The following NRG3 variants were observed in gnomAD, a reference collection of about 807,000 sequenced individuals.
The protein encoded by NRG3 is neuregulin 3, also known as pro-neuregulin-3, membrane-bound isoform.
Under a neutral mutation model 66.9 loss-of-function variants are expected in NRG3, and 31 were observed. The ratio of observed to expected loss-of-function variants is 0.46; its 90% CI spans 0.35 to 0.63. NRG3 has a LOEUF of 0.63. Among genes scored for constraint, NRG3 ranks in the 20% least tolerant of loss-of-function variants. The pLI is 0.00. For synonymous variants in NRG3, 393 were observed against 359.4 expected (o/e 1.09, Z -1.06); for missense variants, 910 against 878.9 (o/e 1.04, Z -0.45).
chr10:82,658,187 A>G (rs1289814040), intron 2 of NRG3, among the ~76,000 whole-genome samples: 2 of 152,210 alleles, frequency 1.3e-5, no homozygotes, highest in Non-Finnish European at 2.9e-5. Context: ...CTTTATATAG[A>G]AAAGTATATT....
intron 4 of NRG3, among the ~76,000 whole-genome samples, chr10:82,929,432 C>T (rs868826997): frequency 3.3e-5 from 5 of 152,128 alleles, no homozygotes; most frequent in Admixed American, 6.6e-5. Flanking sequence ...TTTATCTTTC[C>T]GAGCAGAGGA....
intron 1 of NRG3, among the ~76,000 whole-genome samples, chr10:82,004,075 A>G (rs768126478): frequency 9.2e-5 from 14 of 151,792 alleles, no homozygotes; most frequent in Non-Finnish European, 1.9e-4. Flanking sequence ...CAGTTTGTGA[A>G]CCATAAGTGG....
chr10:82,528,944 A>G (rs1442143725), intron 2 of NRG3, among the ~76,000 whole-genome samples: 1 of 152,140 alleles, frequency 6.6e-6, no homozygotes, highest in African/African-American at 2.4e-5. Flanking sequence ...TGTCTAGTTT[A>G]GCACTTGTTC....
intron 4 of NRG3, among the ~76,000 whole-genome samples, chr10:82,892,022 A>G (rs1843196962): frequency 6.6e-6 from 1 of 152,140 alleles, no homozygotes; most frequent in South Asian, 2.1e-4. Flanking sequence ...CATATGATTT[A>G]TCCTTTAGTT....
intron 1 of NRG3, among the ~76,000 whole-genome samples, chr10:81,979,583 A>G (rs1051091753): frequency 1.3e-5 from 2 of 152,152 alleles, no homozygotes; most frequent in East Asian, 3.8e-4. Flanking sequence ...ATTTTCAGCA[A>G]TGTCAAATGT....
chr10:82,652,768 C>G (rs199858642), intron 2 of NRG3, among the ~76,000 whole-genome samples: 2 of 152,220 alleles, frequency 1.3e-5, no homozygotes, highest in East Asian at 3.9e-4. Flanking sequence ...TAGAATTTCT[C>G]TTCCTCCTGT....
intron 3 of NRG3, among the ~76,000 whole-genome samples, chr10:82,790,935 T>C (rs577127492): frequency 4.1e-4 from 62 of 151,756 alleles, no homozygotes; most frequent in Admixed American, 1.3e-3. Context: ...TTAAAAATAA[T>C]TTCTATATAA....
At chr10:82,423,785 C>G (rs941133995) in intron 2 of NRG3, among the ~76,000 whole-genome samples, 24 of 152,006 alleles carry the variant, frequency 1.6e-4, no homozygotes, top group Non-Finnish European at 1.3e-4. Context: ...AAAGAAACCT[C>G]ATACCATTAG....
chr10:82,500,540 G>A (rs1844074172), intron 2 of NRG3, among the ~76,000 whole-genome samples: 1 of 152,154 alleles, frequency 6.6e-6, no homozygotes, highest in Admixed American at 6.5e-5. Context: ...CCGCTGCAGT[G>A]CATTGTTCAT....
intron 2 of NRG3, among the ~76,000 whole-genome samples, chr10:82,423,028 A>G (rs1005884694): frequency 1.1e-4 from 17 of 151,980 alleles, no homozygotes; most frequent in African/African-American, 4.1e-4. Flanking sequence ...GTGACTTTTG[A>G]TTATTGAATT....
At chr10:81,919,306 A>G (rs1846025739) in intron 1 of NRG3, among the ~76,000 whole-genome samples, 1 of 152,188 alleles carries the variant, frequency 6.6e-6, no homozygotes, top group Admixed American at 6.5e-5. Context: ...TGAAAATCAG[A>G]TGGACATTGC....
intron 1 of NRG3, among the ~76,000 whole-genome samples, chr10:82,149,198 A>T (rs11192701): frequency 0.12 from 17,956 of 152,088 alleles, 1,779 homozygotes; most frequent in African/African-American, 0.26. Context: ...ATGCAGCTTG[A>T]ACCTGAAAGT....
intron 4 of NRG3, among the ~76,000 whole-genome samples, chr10:82,943,537 T>G (rs1848747809): frequency 6.6e-6 from 1 of 152,192 alleles, no homozygotes; most frequent in Admixed American, 6.5e-5. Context: ...ACCTGGAATT[T>G]TTGTCCAAGA....
At chr10:82,132,718 T>C (rs1013631217) in intron 1 of NRG3, among the ~76,000 whole-genome samples, 1 of 151,116 alleles carries the variant, frequency 6.6e-6, no homozygotes, top group Non-Finnish European at 1.5e-5. Context: ...CTTTCTTTGC[T>C]GCGATACTTT....
At chr10:82,656,936 C>T (rs1031389445) in intron 2 of NRG3, among the ~76,000 whole-genome samples, 24 of 152,264 alleles carry the variant, frequency 1.6e-4, no homozygotes, top group African/African-American at 2.4e-4. Flanking sequence ...TCTTCTCTCT[C>T]GTCTCTGGCT....
At chr10:82,318,437 A>G (rs1449801750) in intron 1 of NRG3, among the ~76,000 whole-genome samples, 1 of 152,132 alleles carries the variant, frequency 6.6e-6, no homozygotes, top group Non-Finnish European at 1.5e-5. Flanking sequence ...ACCGTGTTTC[A>G]CTCCTCTATG....
At chr10:82,892,241 T>C (rs528364150) in intron 4 of NRG3, among the ~76,000 whole-genome samples, 9 of 152,064 alleles carry the variant, frequency 5.9e-5, no homozygotes, top group African/African-American at 2.2e-4. Flanking sequence ...TGAGTACTAG[T>C]AGACATTTTT....
chr10:81,882,458 T>C (rs138436139), intron 1 of NRG3, among the ~76,000 whole-genome samples: 2 of 152,298 alleles, frequency 1.3e-5, no homozygotes, highest in African/African-American at 4.8e-5. Context: ...AATATTTGTT[T>C]GTATATTTCT....
intron 3 of NRG3, among the ~76,000 whole-genome samples, chr10:82,788,163 G>A (rs1342182137): frequency 1.3e-5 from 2 of 152,128 alleles, no homozygotes; most frequent in South Asian, 2.1e-4. Flanking sequence ...ACTTTTTTGA[G>A]AAGTAGAGCA....
Sources: gnomAD v4.1 joint callset for allele counts (sites outside exome capture counted in the v4.1 genomes callset) on GRCh38, gnomAD v4.1.1 for gene constraint, MANE v1.5 for transcripts, NCBI Gene and HGNC (gene_info 2026-07-23, HGNC 2026-07-21) for gene names.